The following CYRIB variants were observed in gnomAD, a reference collection of about 807,000 sequenced individuals.
The protein encoded by CYRIB is CYFIP related Rac1 interactor B.
CYRIB carries 8 observed loss-of-function variants against 44.2 expected under a neutral mutation model. The ratio of observed to expected loss-of-function variants is 0.18; its 90% CI spans 0.11 to 0.33. The LOEUF (loss-of-function observed/expected upper bound fraction) is 0.33. Ranked by LOEUF, CYRIB falls within the 10% of genes least tolerant of loss-of-function variation. The probability of loss-of-function intolerance (pLI) is 1.00; values close to 1 mark genes in which losing one functional copy is unlikely to be tolerated. For synonymous variants in CYRIB, 131 were observed against 127.2 expected (o/e 1.03, Z -0.20); for missense variants, 185 against 382.8 (o/e 0.48, Z 4.31).
chr8:129,940,445 T>A (rs1280500232), upstream of CYRIB, among the ~76,000 whole-genome samples: 1 of 152,086 alleles, frequency 6.6e-6, no homozygotes, highest in African/African-American at 2.4e-5. Context: ...AGAACAAAAA[T>A]TAGACTCCAC....
rs79130106 is a variant in CYRIB at position 129,989,314 on chromosome 8, C to T, written c.-295-18319G>A. ...TACCGGTAAATATGGCCAACACCAG[C>T]AGCACAGATGGCAGCTGCCCACTGA... On this transcript the variant is annotated intron_variant, in intron 1 of 14. Transcript: ENST00000401979. Among the ~76,000 whole-genome samples, 235 of 152,300 alleles carry T rather than the reference C, an allele frequency of 1.5e-3. 3 individuals carry two copies. In the East Asian group the frequency reaches 0.036, roughly 23 times the overall value.
At chr8:130,004,820 G>T (rs2097003581) in intron 1 of CYRIB, among the ~76,000 whole-genome samples, 1 of 146,036 alleles carries the variant, frequency 6.8e-6, no homozygotes, top group South Asian at 2.2e-4. Flanking sequence ...AGGCTGGAGT[G>T]CAGTGGCACA....
chr8:129,965,592 C>G (rs1021359536), intron 2 of CYRIB, among the ~76,000 whole-genome samples: 17 of 151,750 alleles, frequency 1.1e-4, no homozygotes, highest in African/African-American at 4.1e-4. Flanking sequence ...GTCAGGAGAT[C>G]GAGACCGTCC....
chr8:129,879,402 GA>G lies in CYRIB; in HGVS notation c.59del (p.Phe20SerfsTer20). The G allele has an allele frequency of 6.2e-7, 1 of 1,610,570 alleles. No individual in the cohort carries two copies. Among genetic ancestry groups the G allele is most frequent in the Non-Finnish European group, 8.5e-7 (1 of 1,178,362 alleles). ...TCATCTTCTCACTTTCAAAATCAAGGAAAAAATTTGGCCCCTGCTCAAGGTC... is the reference window on the plus strand; with the variant it reads ...TCATCTTCTCACTTTCAAAATCAAGGAAAAATTTGGCCCCTGCTCAAGGTC... On this transcript the variant is annotated frameshift_variant, in exon 3 of 12. Coordinates refer to ENST00000519824, the Ensembl canonical transcript of CYRIB. LOFTEE classifies it high-confidence loss of function.
rs371087196 is a variant in CYRIB, at chr8:129,854,254, G to A, written c.516+12C>T. 15 of 1,589,198 alleles carry A rather than the reference G, an allele frequency of 9.4e-6. No homozygotes were observed. The African/African-American group carries it at 1.9e-4, about 20-fold the overall frequency. Reference sequence around the variant, plus strand: ...ACTCTTACCATCCCCCTAATTCAAAGCATTAACTTACCGGTACATTGTTAA... The same window carrying A: ...ACTCTTACCATCCCCCTAATTCAAAACATTAACTTACCGGTACATTGTTAA... On this transcript the variant is annotated intron_variant, in intron 7 of 11. Coordinates refer to ENST00000519824, the Ensembl canonical transcript of CYRIB.
intron 1 of CYRIB, among the ~76,000 whole-genome samples, chr8:129,971,859 T>G (rs2095706056): frequency 6.6e-6 from 1 of 152,142 alleles, no homozygotes; most frequent in Non-Finnish European, 1.5e-5. Flanking sequence ...GCTGATGAAT[T>G]AAAGAGAAGT....
chr8:129,973,496 T>A (rs78895317), intron 1 of CYRIB, among the ~76,000 whole-genome samples: 2 of 152,268 alleles, frequency 1.3e-5, no homozygotes, highest in Admixed American at 1.3e-4. Context: ...GATTCTATCA[T>A]CTTCTGAGAG....
intron 11 of CYRIB, chr8:129,843,940 C>T (rs1004613008): frequency 1.3e-5 from 2 of 151,758 alleles, no homozygotes; most frequent in African/African-American, 4.8e-5. Context: ...GGAAGGAAGA[C>T]AAGATAAGCA....
chr8:129,901,219 A>G (rs1163182537), intron 2 of CYRIB, among the ~76,000 whole-genome samples: 2 of 151,978 alleles, frequency 1.3e-5, no homozygotes, highest in East Asian at 1.9e-4. Context: ...CTACATCATT[A>G]GGATACCTTT....
rs376484050 is a variant in CYRIB at position 129,870,053 on chromosome 8, C to A, written c.195+1322G>T. On this transcript the variant is annotated intron_variant, in intron 4 of 11. Coordinates refer to ENST00000519824, the Ensembl canonical transcript of CYRIB. ...ACAAAAACAAAGGAAGGGTGCATAT[C>A]AACAAACAGAATTCACACCAGAATT... 3.1e-3 allele frequency among the ~76,000 whole-genome samples: 475 copies of A among 152,110 alleles called. 5 individuals are homozygous for A. Among genetic ancestry groups the A allele is most frequent in the African/African-American group, 0.011 (440 of 41,498 alleles).
intron 5 of CYRIB, among the ~76,000 whole-genome samples, chr8:129,858,649 G>T (rs1000060876): frequency 6.6e-6 from 1 of 152,124 alleles, no homozygotes; most frequent in Non-Finnish European, 1.5e-5. Flanking sequence ...AATTAACGGT[G>T]GGCATTTGGG....
chr8:129,997,812 C>T (rs534727730), intron 1 of CYRIB, among the ~76,000 whole-genome samples: 7 of 152,234 alleles, frequency 4.6e-5, no homozygotes, highest in African/African-American at 1.2e-4. Flanking sequence ...GCTCAAATTA[C>T]AAGAGGCACC....
chr8:129,893,108 A>G (rs1421731479), intron 2 of CYRIB, among the ~76,000 whole-genome samples: 2 of 152,216 alleles, frequency 1.3e-5, no homozygotes, highest in Admixed American at 6.5e-5. Context: ...GATGCCCAAC[A>G]AAAAAGCTTA....
Position 129,980,296 on chromosome 8 carries a change from T to A in CYRIB, c.-295-9301A>T, listed in dbSNP as rs187165657. On this transcript the variant is annotated intron_variant, in intron 1 of 14. Transcript: ENST00000401979. ...TAGTACTTGCAGCTCTATGTCCAAGTGACAAATCTGCCTTCCAGAAATCTG... is the reference window on the plus strand; with the variant it reads ...TAGTACTTGCAGCTCTATGTCCAAGAGACAAATCTGCCTTCCAGAAATCTG... Among the ~76,000 whole-genome samples, 4 of 151,358 alleles carry A rather than the reference T, an allele frequency of 2.6e-5. No individual in the cohort carries two copies. The East Asian group carries it at 7.8e-4, about 29-fold the overall frequency.
intron 1 of CYRIB, among the ~76,000 whole-genome samples, chr8:129,936,958 C>T (rs1327235954): frequency 2.0e-5 from 3 of 152,050 alleles, no homozygotes; most frequent in Admixed American, 6.6e-5. Context: ...CCGCCCGCCT[C>T]GGCCTCCCAA....
chr8:129,843,687 T>C (rs115065329), intron 11 of CYRIB, among the ~76,000 whole-genome samples: 3,412 of 152,306 alleles, frequency 0.022, 140 homozygotes, highest in African/African-American at 0.076. Flanking sequence ...CAGGTGTGTG[T>C]CACCATGCCC....
At chr8:129,953,626 G>A (rs2094618934) in intron 2 of CYRIB, among the ~76,000 whole-genome samples, 1 of 152,190 alleles carries the variant, frequency 6.6e-6, no homozygotes, top group South Asian at 2.1e-4. Flanking sequence ...TGTATCCCCA[G>A]TGAGAGCACG....
intron 1 of CYRIB, among the ~76,000 whole-genome samples, chr8:129,997,493 G>A (rs188580525): frequency 9.5e-4 from 145 of 152,350 alleles, no homozygotes; most frequent in South Asian, 2.5e-3. Flanking sequence ...AATGCTGTGC[G>A]TTTTCAGTCA....
chr8:130,006,518 G>A (rs1205052274), intron 1 of CYRIB, among the ~76,000 whole-genome samples: 3 of 134,580 alleles, frequency 2.2e-5, no homozygotes, highest in Non-Finnish European at 4.7e-5. Flanking sequence ...GCCGAGGCAG[G>A]TGGATCACCT....
Sources: allele counts gnomAD v4.1 joint callset (sites outside exome capture counted in the v4.1 genomes callset), GRCh38; gene constraint gnomAD v4.1.1; transcripts MANE v1.5; gene names NCBI Gene and HGNC (gene_info 2026-07-23, HGNC 2026-07-21).